LRRTM4: variants seen among roughly 807,000 people sequenced by gnomAD.
The protein encoded by LRRTM4 is leucine-rich repeat transmembrane neuronal protein 4.
Under a neutral mutation model 47.6 loss-of-function variants are expected in LRRTM4, and 25 were observed. The observed-to-expected ratio is 0.53, with a 90% CI of 0.38 to 0.73. The LOEUF (loss-of-function observed/expected upper bound fraction) is 0.73, where lower values mean the gene tolerates loss of function less well. Ranked by LOEUF, LRRTM4 falls within the 30% of genes least tolerant of loss-of-function variation. The pLI is 0.00. For missense variants in LRRTM4, 638 were observed against 713.4 expected (o/e 0.89, Z 1.20); for synonymous variants, 311 against 269.5 (o/e 1.15, Z -1.51).
intron 3 of LRRTM4, among the ~76,000 whole-genome samples, chr2:77,125,432 G>C (rs988248042): frequency 1.4e-4 from 22 of 152,070 alleles, no homozygotes; most frequent in African/African-American, 5.3e-4. Context: ...GTGAAGACTG[G>C]CATGCATTTG....
chr2:77,508,575 G>T (rs1185397327), intron 3 of LRRTM4, among the ~76,000 whole-genome samples: 2 of 152,068 alleles, frequency 1.3e-5, no homozygotes, highest in Non-Finnish European at 2.9e-5. Flanking sequence ...TCTTTATGGG[G>T]TTTGTTTTTT....
chr2:76,854,962 A>G lies in LRRTM4; in HGVS notation c.1552-106046T>C, dbSNP rs560290261. 3.9e-5 allele frequency among the ~76,000 whole-genome samples: 6 copies of G among 152,176 alleles called. No homozygotes were observed. In the South Asian group the frequency reaches 1.0e-3, roughly 26 times the overall value. ...ACAGTAGAGCAGAGTAAGGAAGATA[A>G]TAAGAATCTAGTGGCCAGAAGAGGC... On this transcript the variant is annotated intron_variant, in intron 3 of 3. Transcript: ENST00000409884.
chr2:76,994,496 T>C (rs753677618), intron 3 of LRRTM4, among the ~76,000 whole-genome samples: 1 of 151,704 alleles, frequency 6.6e-6, no homozygotes, highest in Non-Finnish European at 1.5e-5. Context: ...GTTGATGCCA[T>C]GAGCAATAAA....
intron 3 of LRRTM4, among the ~76,000 whole-genome samples, chr2:76,826,068 A>T (rs1183230464): frequency 6.6e-6 from 1 of 151,788 alleles, no homozygotes; most frequent in Non-Finnish European, 1.5e-5. Flanking sequence ...ATAATAGTTC[A>T]GGAGACAATG....
At chr2:77,122,518 A>AAT (rs1273969609) in intron 3 of LRRTM4, among the ~76,000 whole-genome samples, 1 of 150,352 alleles carries the variant, frequency 6.7e-6, no homozygotes, top group Admixed American at 6.7e-5. Flanking sequence ...ACATATATAT[A>AAT]ATATATATAC....
chr2:77,244,542 A>T (rs1374556896), intron 3 of LRRTM4, among the ~76,000 whole-genome samples: 2 of 152,192 alleles, frequency 1.3e-5, no homozygotes, highest in African/African-American at 4.8e-5. Flanking sequence ...CTGAAAATAG[A>T]GATTATGGAA....
At chr2:77,067,674 T>G (rs1053580782) in intron 3 of LRRTM4, among the ~76,000 whole-genome samples, 1 of 137,518 alleles carries the variant, frequency 7.3e-6, no homozygotes, top group East Asian at 2.3e-4. Context: ...GTGATTGGTT[T>G]TCAAAGATAC....
intron 3 of LRRTM4, among the ~76,000 whole-genome samples, chr2:77,512,627 G>A (rs1156306760): frequency 6.6e-6 from 1 of 152,068 alleles, no homozygotes; most frequent in Non-Finnish European, 1.5e-5. Context: ...ATTCAGATGA[G>A]TCACCAAGTC....
chr2:76,835,711 A>C (rs970632228), intron 3 of LRRTM4, among the ~76,000 whole-genome samples: 9 of 152,026 alleles, frequency 5.9e-5, no homozygotes, highest in African/African-American at 2.2e-4. Flanking sequence ...TTAGGTATAT[A>C]TTTCTTTATA....
intron 3 of LRRTM4, among the ~76,000 whole-genome samples, chr2:76,958,144 T>C (rs1330998806): frequency 6.6e-6 from 1 of 151,792 alleles, no homozygotes; most frequent in Non-Finnish European, 1.5e-5. Flanking sequence ...AGCTTTCCCT[T>C]AGTTTGACAT....
At chr2:76,782,233 T>C (rs562434427) in intron 3 of LRRTM4, among the ~76,000 whole-genome samples, 6 of 152,320 alleles carry the variant, frequency 3.9e-5, no homozygotes, top group African/African-American at 1.4e-4. Flanking sequence ...CTTCACAAAT[T>C]TCCTTTCCTT....
intron 3 of LRRTM4, among the ~76,000 whole-genome samples, chr2:76,869,524 T>C (rs1264881312): frequency 6.6e-6 from 1 of 151,906 alleles, no homozygotes; most frequent in Admixed American, 6.6e-5. Flanking sequence ...ATTTGAAAAA[T>C]GAATGGAAGG....
intron 3 of LRRTM4, among the ~76,000 whole-genome samples, chr2:76,931,113 C>T (rs909398712): frequency 4.0e-5 from 6 of 150,460 alleles, no homozygotes; most frequent in Non-Finnish European, 8.9e-5. Context: ...GGAACAAAAG[C>T]AATGAGAAAG....
chr2:76,885,664 A>C (rs957776478), intron 3 of LRRTM4, among the ~76,000 whole-genome samples: 1 of 151,788 alleles, frequency 6.6e-6, no homozygotes, highest in Non-Finnish European at 1.5e-5. Flanking sequence ...ACGGGGTTTC[A>C]CCGTGTTAGC....
chr2:76,781,348 C>A (rs868712830), intron 3 of LRRTM4, among the ~76,000 whole-genome samples: 12,265 of 150,758 alleles, frequency 0.081, no homozygotes, highest in Non-Finnish European at 0.1. Context: ...ACCCCTCCCC[C>A]AGCCTGGCTG....
chr2:76,920,863 CGTCT>C (rs1286489532), intron 3 of LRRTM4, among the ~76,000 whole-genome samples: 1 of 151,956 alleles, frequency 6.6e-6, no homozygotes, highest in East Asian at 1.9e-4. Flanking sequence ...TTTTTCCTAG[CGTCT>C]GTCTCTGTTT....
intron 3 of LRRTM4, among the ~76,000 whole-genome samples, chr2:76,906,451 T>G (rs1244534512): frequency 6.6e-6 from 1 of 150,620 alleles, no homozygotes; most frequent in Admixed American, 6.6e-5. Context: ...ACGAGCAAAA[T>G]AACCAGCTAA....
chr2:77,358,815 C>T (rs371811963), intron 3 of LRRTM4, among the ~76,000 whole-genome samples: 2 of 152,158 alleles, frequency 1.3e-5, no homozygotes, highest in South Asian at 4.1e-4. Context: ...TAGTGATGTA[C>T]AAATATTTAG....
intron 3 of LRRTM4, among the ~76,000 whole-genome samples, chr2:77,238,326 G>A (rs976739515): frequency 2.6e-5 from 4 of 151,646 alleles, no homozygotes; most frequent in African/African-American, 4.8e-5. Flanking sequence ...AATATCATTG[G>A]CAGTGTCTTA....
Sources: gnomAD v4.1 joint callset for allele counts (sites outside exome capture counted in the v4.1 genomes callset) on GRCh38, gnomAD v4.1.1 for gene constraint, MANE v1.5 for transcripts, NCBI Gene and HGNC (gene_info 2026-07-23, HGNC 2026-07-21) for gene names.